NCKAP5: variants seen among roughly 807,000 people sequenced by gnomAD.
NCKAP5 encodes the protein NCK associated protein 5.
NCKAP5 carries 92 observed loss-of-function variants against 167.0 expected under a neutral mutation model. That is an observed-to-expected ratio of 0.55 (90% CI 0.47 to 0.66). The LOEUF (loss-of-function observed/expected upper bound fraction) is 0.66, where lower values mean the gene tolerates loss of function less well. Ranked by LOEUF, NCKAP5 falls within the 30% of genes least tolerant of loss-of-function variation. The pLI, the probability that NCKAP5 is intolerant of heterozygous loss-of-function variation, is 0.00. For missense variants in NCKAP5, 2,378 were observed against 2,315.0 expected, an observed-to-expected ratio of 1.03 and a Z score of -0.56; for synonymous variants, 891 against 877.4, an observed-to-expected ratio of 1.02 and a Z score of -0.27.
chr2:133,471,822 G>A (rs12467083), intron 3 of NCKAP5, among the ~76,000 whole-genome samples: 69,419 of 151,992 alleles, frequency 0.46, 17,386 homozygotes, highest in East Asian at 0.7. Context: ...CCACTGCAAT[G>A]CCCAGGAGAT....
intron 5 of NCKAP5, among the ~76,000 whole-genome samples, chr2:133,190,328 T>C (rs2085155466): frequency 1.3e-5 from 2 of 152,230 alleles, no homozygotes; most frequent in Middle Eastern, 3.4e-3. Context: ...AGAATCAATA[T>C]CCTGAAAATG....
At chr2:133,470,922 A>G (rs1439612184) in intron 3 of NCKAP5, among the ~76,000 whole-genome samples, 2 of 152,230 alleles carry the variant, frequency 1.3e-5, no homozygotes, top group Non-Finnish European at 2.9e-5. Flanking sequence ...GGCACTCCCT[A>G]GTGAGATGAA....
At chr2:133,656,559 C>T in the NCKAP5 span, among the ~76,000 whole-genome samples, 1 of 152,080 alleles carries the variant, frequency 6.6e-6, no homozygotes, top group African/African-American at 2.4e-5. Context: ...AAGATAAATT[C>T]CTAACCCCTC....
intron 16 of NCKAP5, among the ~76,000 whole-genome samples, chr2:132,771,830 G>A (rs1402353643): frequency 1.4e-5 from 2 of 142,448 alleles, no homozygotes; most frequent in African/African-American, 2.6e-5. Context: ...CCACAACCAC[G>A]CCCGGCTAAT....
chr2:133,354,622 A>T (rs968219216), intron 3 of NCKAP5, among the ~76,000 whole-genome samples: 4 of 152,240 alleles, frequency 2.6e-5, no homozygotes, highest in Admixed American at 6.5e-5. Context: ...GATAGAAGCA[A>T]TTTCACAGCT....
intron 18 of NCKAP5, 147 bp from the exon 19 acceptor site, chr2:132,725,906 G>A: frequency 3.6e-6 from 3 of 839,492 alleles, no homozygotes; most frequent in Non-Finnish European, 5.4e-6. Flanking sequence ...GCTCACCCGA[G>A]AGCAACTCTG....
chr2:133,037,026 C>G (rs2079061001), intron 6 of NCKAP5, among the ~76,000 whole-genome samples: 1 of 151,820 alleles, frequency 6.6e-6, no homozygotes, highest in African/African-American at 2.4e-5. Context: ...TAACAGTGAA[C>G]AATGTGAAAA....
At position 133,299,030 on chromosome 2, in the gene NCKAP5, A is replaced by T. The variant is rs182732300; in HGVS notation, c.143+4007T>A. Among the ~76,000 whole-genome samples, 891 of 151,596 alleles carry T rather than the reference A, an allele frequency of 5.9e-3. 9 individuals carry two copies. Among genetic ancestry groups the T allele is most frequent in the Non-Finnish European group, 5.9e-3 (402 of 67,908 alleles). On this transcript the variant is annotated intron_variant, in intron 4 of 19. Transcript: ENST00000409261. ...TACCCTAGAACTTAAAGTATAATTT[A>T]AAAAAATAAAAATAAATAAATAAAT...
At chr2:133,006,606 T>TTTTTA (rs1204400572) in intron 6 of NCKAP5, among the ~76,000 whole-genome samples, 2 of 142,612 alleles carry the variant, frequency 1.4e-5, no homozygotes, top group African/African-American at 2.7e-5. Flanking sequence ...TCTCACACAG[T>TTTTTA]TTTTATTTTA....
rs79517081 is a variant in NCKAP5 at position 132,874,837 on chromosome 2, C to T, written c.648+4011G>A. Among the ~76,000 whole-genome samples the T allele has an allele frequency of 9.6e-4, 146 of 152,310 alleles. 4 individuals carry two copies. In the East Asian group the frequency reaches 0.026, roughly 28 times the overall value. ...GGATATGCAATTTTAGCAACCACCA[C>T]ACATCTTTCTGATGCAAAGGGCTCC... On this transcript the variant is annotated intron_variant, in intron 9 of 19. Coordinates refer to ENST00000409261, the MANE Select transcript of NCKAP5 (RefSeq NM_207363.3).
rs529748037 is a variant in NCKAP5 at position 133,461,856 on chromosome 2, T to C, written c.69+55602A>G. ...CCCATCACAACATGAAACGTGAAGA[T>C]TTCATAGGATATGCCTAATATTTCC... On this transcript the variant is annotated intron_variant, in intron 3 of 19. Transcript: ENST00000409261. Among the ~76,000 whole-genome samples the C allele has an allele frequency of 2.6e-5, 4 of 152,256 alleles. No homozygotes were observed. The South Asian group carries it at 8.3e-4, about 32-fold the overall frequency.
At chr2:133,320,110 A>T (rs899101318) in intron 3 of NCKAP5, among the ~76,000 whole-genome samples, 1 of 152,092 alleles carries the variant, frequency 6.6e-6, no homozygotes, top group African/African-American at 2.4e-5. Flanking sequence ...GAAGCAATGG[A>T]GTGTTGTGCT....
intron 4 of NCKAP5, chr2:133,264,862 G>C (rs531499280): frequency 6.6e-6 from 1 of 152,302 alleles, no homozygotes; most frequent in East Asian, 1.9e-4. Flanking sequence ...GAAAAGGGAA[G>C]GGAGGCTGCA....
At chr2:133,225,810 G>A (rs1313752447) in intron 4 of NCKAP5, among the ~76,000 whole-genome samples, 1 of 100,724 alleles carries the variant, frequency 9.9e-6, no homozygotes, top group Non-Finnish European at 2.0e-5. Flanking sequence ...TTTTTTCGGA[G>A]TCTCCCTCTG....
At chr2:132,969,339 C>G (rs79320551) in intron 7 of NCKAP5, among the ~76,000 whole-genome samples, 2,597 of 152,186 alleles carry the variant, frequency 0.017, 76 homozygotes, top group African/African-American at 0.059. Context: ...GCGCCCATCC[C>G]CCTGTAAAAT....
intron 11 of NCKAP5, among the ~76,000 whole-genome samples, chr2:132,820,038 T>C (rs1686587145): frequency 6.6e-6 from 1 of 152,186 alleles, no homozygotes; most frequent in African/African-American, 2.4e-5. Context: ...TTCCTTCATT[T>C]TATTCCCAAC....
chr2:132,756,651 CAT>C (rs1680579584), intron 16 of NCKAP5, among the ~76,000 whole-genome samples: 1 of 149,150 alleles, frequency 6.7e-6, no homozygotes, highest in South Asian at 2.1e-4. Context: ...TTTATTTAAA[CAT>C]GTTTTGAAGC....
At chr2:133,136,633 T>C (rs1267835676) in intron 5 of NCKAP5, among the ~76,000 whole-genome samples, 1 of 152,224 alleles carries the variant, frequency 6.6e-6, no homozygotes, top group Non-Finnish European at 1.5e-5. Flanking sequence ...AGTCATACTT[T>C]ATGACCAAAG....
the NCKAP5 span, among the ~76,000 whole-genome samples, chr2:133,594,444 A>G: frequency 6.6e-6 from 1 of 152,048 alleles, no homozygotes; most frequent in Non-Finnish European, 1.5e-5. Flanking sequence ...CATTAACCAT[A>G]ACCTCCTGGA....
Sources: gnomAD v4.1 joint callset for allele counts (sites outside exome capture counted in the v4.1 genomes callset) on GRCh38, gnomAD v4.1.1 for gene constraint, MANE v1.5 for transcripts, NCBI Gene and HGNC (gene_info 2026-07-23, HGNC 2026-07-21) for gene names.